CTNNA2: variants seen among roughly 807,000 people sequenced by gnomAD.
The protein encoded by CTNNA2 is catenin alpha-2.
In CTNNA2, 42 loss-of-function variants were observed where a neutral mutation model predicts 101.0. That is an observed-to-expected ratio of 0.42 (90% CI 0.32 to 0.54). CTNNA2 has a LOEUF of 0.54. Among genes scored for constraint, CTNNA2 ranks in the 20% least tolerant of loss-of-function variants. The pLI is 0.14. For synonymous variants in CTNNA2, 450 were observed against 456.4 expected (o/e 0.99, Z 0.18); for missense variants, 871 against 1,223.1 (o/e 0.71, Z 4.29).
chr2:80,058,254 C>T (rs1362436197), intron 7 of CTNNA2, among the ~76,000 whole-genome samples: 1 of 152,180 alleles, frequency 6.6e-6, no homozygotes, highest in Non-Finnish European at 1.5e-5. Flanking sequence ...ATATAAAATA[C>T]TGGTCTTGCA....
intron 4 of CTNNA2, among the ~76,000 whole-genome samples, chr2:79,430,785 C>T (rs6751596): frequency 0.32 from 48,335 of 151,868 alleles, 7,822 homozygotes; most frequent in South Asian, 0.44. Context: ...CCTTATCTAT[C>T]CCCACATATC....
chr2:79,470,880 G>A (rs1670991718), intron 4 of CTNNA2, among the ~76,000 whole-genome samples: 1 of 152,090 alleles, frequency 6.6e-6, no homozygotes, highest in African/African-American at 2.4e-5. Context: ...TTACATTTGT[G>A]TTTTTGCATG....
intron 7 of CTNNA2, among the ~76,000 whole-genome samples, chr2:80,188,148 A>G (rs956124891): frequency 6.6e-6 from 1 of 152,220 alleles, no homozygotes; most frequent in African/African-American, 2.4e-5. Flanking sequence ...GGTTTTATCT[A>G]TGCTAAAATG....
At chr2:79,317,056 T>C (rs966920292) in intron 3 of CTNNA2, among the ~76,000 whole-genome samples, 1 of 152,034 alleles carries the variant, frequency 6.6e-6, no homozygotes, top group Non-Finnish European at 1.5e-5. Context: ...TTTATTATGA[T>C]GAAAAAGCTA....
At position 79,329,615 on chromosome 2, in the gene CTNNA2, C is replaced by T. The variant is rs192728607; in HGVS notation, c.-318+16819C>T. ...CAGTATCTGTCCTGATTACCATTCC[C>T]CCCAAGATTCTGGATCTCTGCTATC... On this transcript the variant is annotated intron_variant, in intron 3 of 21. Transcript: ENST00000466387. Among the ~76,000 whole-genome samples, 3 of 152,264 alleles carry T rather than the reference C, an allele frequency of 2.0e-5. No individual in the cohort carries two copies. In the East Asian group the frequency reaches 5.8e-4, roughly 29 times the overall value.
At chr2:79,531,718 G>C in intron 1 of CTNNA2, among the ~76,000 whole-genome samples, 1 of 149,682 alleles carries the variant, frequency 6.7e-6, no homozygotes, top group African/African-American at 2.5e-5. Context: ...GTCTCACTCT[G>C]TTGCCCAGGC....
At chr2:80,279,684 C>T (rs143614553) in intron 7 of CTNNA2, among the ~76,000 whole-genome samples, 118 of 152,204 alleles carry the variant, frequency 7.8e-4, no homozygotes, top group African/African-American at 2.8e-3. Flanking sequence ...ATTTCTGTGG[C>T]AGAGGACTTT....
chr2:80,169,541 T>C (rs1449177029), intron 7 of CTNNA2, among the ~76,000 whole-genome samples: 1 of 152,232 alleles, frequency 6.6e-6, no homozygotes, highest in Non-Finnish European at 1.5e-5. Context: ...GACTCTTTGC[T>C]GAGCTCTGGA....
intron 7 of CTNNA2, among the ~76,000 whole-genome samples, chr2:79,927,122 A>G (rs191690724): frequency 6.6e-6 from 1 of 152,288 alleles, no homozygotes; most frequent in African/African-American, 2.4e-5. Flanking sequence ...TGATTAGATT[A>G]AAGGACATCG....
intron 1 of CTNNA2, among the ~76,000 whole-genome samples, chr2:79,530,672 T>C (rs1672683018): frequency 6.6e-6 from 1 of 152,162 alleles, no homozygotes; most frequent in Non-Finnish European, 1.5e-5. Context: ...TCACTTGATC[T>C]TTGCCAGAGT....
intron 7 of CTNNA2, among the ~76,000 whole-genome samples, chr2:80,081,394 T>C (rs1307322038): frequency 1.3e-5 from 2 of 152,104 alleles, no homozygotes; most frequent in Non-Finnish European, 2.9e-5. Flanking sequence ...GCTGTTTTCG[T>C]TATCTGATGG....
chr2:79,204,268 A>G (rs1303508800), intron 2 of CTNNA2, among the ~76,000 whole-genome samples: 1 of 152,200 alleles, frequency 6.6e-6, no homozygotes, highest in African/African-American at 2.4e-5. Flanking sequence ...CTGACCTGCC[A>G]TTTATTTTGC....
intron 4 of CTNNA2, among the ~76,000 whole-genome samples, chr2:79,477,452 T>C (rs1671062106): frequency 6.6e-6 from 1 of 152,222 alleles, no homozygotes; most frequent in Admixed American, 6.5e-5. Flanking sequence ...ATTACAGGCA[T>C]GAGCCATCAC....
At chr2:80,008,466 A>T (rs1185482145) in intron 7 of CTNNA2, among the ~76,000 whole-genome samples, 1 of 152,158 alleles carries the variant, frequency 6.6e-6, no homozygotes, top group African/African-American at 2.4e-5. Context: ...ATATCTACTG[A>T]AGCAGTTCTG....
chr2:79,948,698 G>A (rs1292165537), intron 7 of CTNNA2, among the ~76,000 whole-genome samples: 1 of 152,178 alleles, frequency 6.6e-6, no homozygotes, highest in Non-Finnish European at 1.5e-5. Flanking sequence ...GCTGGGTGCG[G>A]TGGCTCACGC....
intron 2 of CTNNA2, among the ~76,000 whole-genome samples, chr2:79,280,827 C>T (rs201319888): frequency 6.6e-6 from 1 of 151,996 alleles, no homozygotes; most frequent in East Asian, 1.9e-4. Context: ...AGGAAAGTGC[C>T]TGGGTGCCTG....
At chr2:79,886,637 G>A (rs1440884114) in intron 6 of CTNNA2, among the ~76,000 whole-genome samples, 1 of 148,248 alleles carries the variant, frequency 6.7e-6, no homozygotes. Flanking sequence ...TGTAGTCCCA[G>A]CTACTCGGGA....
chr2:79,944,692 T>C (rs1182270433), intron 7 of CTNNA2, among the ~76,000 whole-genome samples: 2 of 152,104 alleles, frequency 1.3e-5, no homozygotes, highest in Non-Finnish European at 2.9e-5. Flanking sequence ...TATACCAACA[T>C]CTAAGCACAT....
At chr2:80,058,176 A>G (rs528720463) in intron 7 of CTNNA2, among the ~76,000 whole-genome samples, 35 of 152,340 alleles carry the variant, frequency 2.3e-4, no homozygotes, top group African/African-American at 8.4e-4. Context: ...GAGCTGTAAT[A>G]GGATACTGGG....
Sources: allele counts gnomAD v4.1 joint callset (sites outside exome capture counted in the v4.1 genomes callset), GRCh38; gene constraint gnomAD v4.1.1; transcripts MANE v1.5; gene names NCBI Gene and HGNC (gene_info 2026-07-23, HGNC 2026-07-21).